SERPINI1: variants seen among roughly 807,000 people sequenced by gnomAD.
SERPINI1 encodes the protein serpin family I member 1, also known as neuroserpin.
Under a neutral mutation model 41.1 loss-of-function variants are expected in SERPINI1, and 19 were observed. The ratio of observed to expected loss-of-function variants is 0.46; its 90% CI spans 0.32 to 0.68. SERPINI1 has a LOEUF of 0.68. SERPINI1 is among the 30% of genes least tolerant of loss of function. The pLI, the probability that SERPINI1 is intolerant of heterozygous loss-of-function variation, is 0.03. For missense variants in SERPINI1, 460 were observed against 479.2 expected (o/e 0.96, Z 0.37); for synonymous variants, 138 against 156.6 (o/e 0.88, Z 0.89).
At chr3:167,740,994 G>A (rs1725660800) in intron 1 of SERPINI1, among the ~76,000 whole-genome samples, 1 of 152,226 alleles carries the variant, frequency 6.6e-6, no homozygotes, top group Admixed American at 6.5e-5. Context: ...GCTGCATTGA[G>A]AGACCTTAGT....
At chr3:167,764,799 A>G (rs1298510546) in intron 1 of SERPINI1, among the ~76,000 whole-genome samples, 1 of 152,242 alleles carries the variant, frequency 6.6e-6, no homozygotes, top group Non-Finnish European at 1.5e-5. Context: ...ATGGGGGTAC[A>G]GGCATTGCAT....
intron 1 of SERPINI1, among the ~76,000 whole-genome samples, chr3:167,738,866 GA>G (rs529374445): frequency 1.3e-5 from 2 of 150,766 alleles, no homozygotes; most frequent in Non-Finnish European, 3.0e-5. Flanking sequence ...AATATTCATG[GA>G]TTATTAACCA....
chr3:167,737,775 G>C (rs1358671715), intron 1 of SERPINI1, among the ~76,000 whole-genome samples: 1 of 152,086 alleles, frequency 6.6e-6, no homozygotes, highest in African/African-American at 2.4e-5. Flanking sequence ...CTAAACAGTT[G>C]AAATTAAGAT....
At chr3:167,745,498 A>G (rs1725836298) in intron 1 of SERPINI1, among the ~76,000 whole-genome samples, 1 of 152,058 alleles carries the variant, frequency 6.6e-6, no homozygotes, top group Non-Finnish European at 1.5e-5. Flanking sequence ...ATTTCCCTTT[A>G]AGATCAGGAA....
intron 6 of SERPINI1, among the ~76,000 whole-genome samples, chr3:167,817,110 A>T (rs1250518461): frequency 6.6e-6 from 1 of 152,086 alleles, no homozygotes; most frequent in African/African-American, 2.4e-5. Context: ...TATTTTGATA[A>T]GATCATCCCG....
chr3:167,774,344 T>C (rs11927609), intron 1 of SERPINI1, among the ~76,000 whole-genome samples: 68,128 of 151,928 alleles, frequency 0.45, 16,193 homozygotes, highest in African/African-American at 0.61. Flanking sequence ...GCCTAATTCA[T>C]CTTACCAAAA....
intron 1 of SERPINI1, among the ~76,000 whole-genome samples, chr3:167,760,563 G>T (rs1284348595): frequency 9.4e-4 from 1 of 1,068 alleles, no homozygotes; most frequent in Non-Finnish European, 1.9e-3. Flanking sequence ...GCTCCAAATT[G>T]TGTGTGTGTG....
rs375627730 is a variant in SERPINI1, at chr3:167,791,902, A to T, written c.482-688A>T. Among the ~76,000 whole-genome samples the T allele has an allele frequency of 3.3e-5, 5 of 152,300 alleles. No homozygotes were observed. The East Asian group carries it at 9.7e-4, about 29-fold the overall frequency. On this transcript the variant is annotated intron_variant, in intron 3 of 8. Transcript: ENST00000446050. Reference sequence around the variant, plus strand: ...CACTCTGGGAGGCCAAGTGGAGTGGATCACTTGAGGCTAGGAGTTTGTGAC... The same window carrying T: ...CACTCTGGGAGGCCAAGTGGAGTGGTTCACTTGAGGCTAGGAGTTTGTGAC...
chr3:167,816,227 T>C (rs572120006), intron 6 of SERPINI1, among the ~76,000 whole-genome samples: 1 of 152,134 alleles, frequency 6.6e-6, no homozygotes, highest in South Asian at 2.1e-4. Context: ...AGATGGGGTT[T>C]TGCCATGTTG....
intron 1 of SERPINI1, among the ~76,000 whole-genome samples, chr3:167,771,278 T>A (rs180802832): frequency 6.6e-6 from 1 of 152,298 alleles, no homozygotes; most frequent in Non-Finnish European, 1.5e-5. Context: ...AAATTCCCAT[T>A]GGTGGAAGAC....
chr3:167,754,871 G>C (rs1239706793), intron 1 of SERPINI1, among the ~76,000 whole-genome samples: 1 of 152,162 alleles, frequency 6.6e-6, no homozygotes, highest in Non-Finnish European at 1.5e-5. Flanking sequence ...CCAACCCTGA[G>C]TAGGTGCTTG....
chr3:167,747,485 A>G (rs1483071174), intron 1 of SERPINI1, among the ~76,000 whole-genome samples: 1 of 152,176 alleles, frequency 6.6e-6, no homozygotes, highest in Non-Finnish European at 1.5e-5. Flanking sequence ...TCTACTGAAA[A>G]TACAGAAAAT....
intron 5 of SERPINI1, among the ~76,000 whole-genome samples, chr3:167,803,315 GAC>G (rs1293343493): frequency 2.6e-5 from 3 of 115,260 alleles, no homozygotes; most frequent in Non-Finnish European, 5.8e-5. Flanking sequence ...AAATAAATAA[GAC>G]AATAGATTTG....
At chr3:167,738,874 A>G (rs546001932) in intron 1 of SERPINI1, among the ~76,000 whole-genome samples, 5 of 151,364 alleles carry the variant, frequency 3.3e-5, no homozygotes, top group Non-Finnish European at 7.4e-5. Flanking sequence ...TGGATTATTA[A>G]CCATAAAAAT....
intron 1 of SERPINI1, among the ~76,000 whole-genome samples, chr3:167,780,697 C>T (rs1397124784): frequency 6.6e-6 from 1 of 152,166 alleles, no homozygotes; most frequent in Non-Finnish European, 1.5e-5. Context: ...ATGTTTGCAT[C>T]ACTTGCAGTA....
At chr3:167,745,782 T>C (rs953886577) in intron 1 of SERPINI1, among the ~76,000 whole-genome samples, 3 of 151,836 alleles carry the variant, frequency 2.0e-5, no homozygotes, top group African/African-American at 7.3e-5. Flanking sequence ...ATATCCAAAA[T>C]CAAAATTTTA....
chr3:167,807,432 G>C lies in SERPINI1; in HGVS notation c.979+91G>C, dbSNP rs192083410. 1.7e-3 allele frequency: 1,450 copies of C among 861,100 alleles called. 3 individuals carry two copies. The highest frequency in any genetic ancestry group is 2.2e-3 in the Non-Finnish European group (1,151 of 527,636). The allele number at this position is 861,100 out of a possible 1,614,324, so 53.3% of individuals were successfully genotyped here. A position where few individuals can be genotyped will look rare whatever the true frequency, so the allele number is the denominator to read the frequency against. On this transcript the variant is annotated intron_variant, in intron 6 of 8. Coordinates refer to ENST00000446050, the MANE Select transcript of SERPINI1 (RefSeq NM_001122752.2). The stretch of plus-strand genomic sequence containing the variant: ...AATCCTCTATTTACTATGGAGTTCT[G>C]GGGTAAAATATAGTTACCACTTGCC...
chr3:167,815,037 C>T (rs1281110818), intron 6 of SERPINI1, among the ~76,000 whole-genome samples: 1 of 152,190 alleles, frequency 6.6e-6, no homozygotes, highest in African/African-American at 2.4e-5. Context: ...CTCCTTCATA[C>T]CCCTTTGCAT....
rs547529316 is a variant in SERPINI1 at position 167,787,142 on chromosome 3, T to C, written c.-18-1969T>C. On this transcript the variant is annotated intron_variant, in intron 1 of 8. Coordinates refer to ENST00000446050, the MANE Select transcript of SERPINI1 (RefSeq NM_001122752.2). ...ATGATCAGGTTAATCAACATCACTG[T>C]CTTCCACCTCTACATCTTATCCCAC... Among the ~76,000 whole-genome samples the C allele has an allele frequency of 2.0e-5, 3 of 152,328 alleles. No individual in the cohort carries two copies. The East Asian group carries it at 5.8e-4, about 29-fold the overall frequency.
Sources: gnomAD v4.1 joint callset for allele counts (sites outside exome capture counted in the v4.1 genomes callset) on GRCh38, gnomAD v4.1.1 for gene constraint, MANE v1.5 for transcripts, NCBI Gene and HGNC (gene_info 2026-07-23, HGNC 2026-07-21) for gene names.